PIK3C2A: variants seen among roughly 807,000 people sequenced by gnomAD.
The protein encoded by PIK3C2A is phosphatidylinositol 4-phosphate 3-kinase C2 domain-containing subunit alpha.
PIK3C2A carries 97 observed loss-of-function variants against 204.5 expected under a neutral mutation model. The ratio of observed to expected loss-of-function variants is 0.47; its 90% CI spans 0.40 to 0.56. PIK3C2A has a LOEUF of 0.56. Ranked by LOEUF, PIK3C2A falls within the 20% of genes least tolerant of loss-of-function variation. PIK3C2A has a pLI of 0.00. For missense variants in PIK3C2A, 1,735 were observed against 1,969.2 expected (o/e 0.88, Z 2.25); for synonymous variants, 653 against 664.4 (o/e 0.98, Z 0.26).
rs5789973 is a variant in PIK3C2A at position 17,104,724 on chromosome 11, C to CAAA, written c.3681+442_3681+444dup. On this transcript the variant is annotated intron_variant, in intron 23 of 32. Coordinates refer to ENST00000691414, the MANE Select transcript of PIK3C2A (RefSeq NM_002645.4). ...TGGGTGACAGAGTGAGACTCCATCT[C>CAAA]AAAAAAAAAAAAAAAAAAAAAATTT... Among the ~76,000 whole-genome samples, 292 of 87,214 alleles carry CAAA rather than the reference C, an allele frequency of 3.3e-3. 5 individuals carry two copies. Among genetic ancestry groups the CAAA allele is most frequent in the African/African-American group, 0.013 (265 of 21,120 alleles). 57.2% of individuals were successfully genotyped at this position (87,214 alleles called of 152,430 possible).
Position 17,102,741 on chromosome 11 carries a change from G to A in PIK3C2A, c.3772C>T (p.Leu1258Phe), listed in dbSNP as rs751271916. The A allele has an allele frequency of 5.0e-6, 8 of 1,613,596 alleles. No homozygotes were observed. The highest frequency in any genetic ancestry group is 6.8e-6 in the Non-Finnish European group (8 of 1,179,582). Residue 1258 changes from leucine to phenylalanine, a missense_variant, in exon 24 of 33, where the codon CTT becomes TTT. Leu to Phe is a conservative substitution (Grantham distance 22, BLOSUM62 0). This residue lies in a region of PIK3C2A where 503 missense variants were observed against 669.0 expected (regional missense o/e 0.75). Transcript: ENST00000691414. ...TGAAACATGTGTCCCGTGCTTCGAA[G>A]CATTATATTGTCATTGTGTCGATCA... ...ICDRHNDNIM[L>F]RSTGHMFHID...
At chr11:17,120,469 T>G (rs1005825927) in intron 15 of PIK3C2A, among the ~76,000 whole-genome samples, 2 of 151,972 alleles carry the variant, frequency 1.3e-5, no homozygotes, top group African/African-American at 4.8e-5. Context: ...GAATGAAATA[T>G]TTCACCATTT....
chr11:17,154,428 C>A (rs1195991942), intron 3 of PIK3C2A, among the ~76,000 whole-genome samples: 4 of 152,088 alleles, frequency 2.6e-5, no homozygotes, highest in Admixed American at 2.6e-4. Context: ...ATATTAAGTT[C>A]TTTAACATTA....
intron 19 of PIK3C2A, among the ~76,000 whole-genome samples, chr11:17,116,739 G>A (rs572947581): frequency 1.4e-4 from 22 of 152,076 alleles, no homozygotes; most frequent in Non-Finnish European, 1.9e-4. Context: ...GCAGGCGCCC[G>A]CCACCATGCC....
rs553927511 is a variant in PIK3C2A, at chr11:17,137,973, C to T, written c.1705-1348G>A. ...TTTTTATTACTCAAAAAAGCTTCAT[C>T]TTTTATTTAGCTTTCTGACTCCCTG... On this transcript the variant is annotated intron_variant, in intron 8 of 32. Coordinates refer to ENST00000691414, the MANE Select transcript of PIK3C2A (RefSeq NM_002645.4). 1.1e-3 allele frequency: 594 copies of T among 544,204 alleles called. 1 individual carries two copies. The highest frequency in any genetic ancestry group is 1.8e-3 in the Non-Finnish European group (529 of 296,186). The allele number at this position is 544,204 out of a possible 1,614,324, so 33.7% of individuals were successfully genotyped here.
At chr11:17,158,251 G>C (rs1475817314) in intron 2 of PIK3C2A, among the ~76,000 whole-genome samples, 1 of 151,868 alleles carries the variant, frequency 6.6e-6, no homozygotes, top group Non-Finnish European at 1.5e-5. Flanking sequence ...GGGAGGCTGA[G>C]GCAGGAGAAT....
rs1235451261 is a variant in PIK3C2A at position 17,166,110 on chromosome 11, A to C, written c.1065+2567T>G. ...TCATTTAATTAATTGCAATACCATT[A>C]TTACACCAAAATATTAACAGTAATT... On this transcript the variant is annotated intron_variant, in intron 2 of 32. Transcript: ENST00000691414. 1.3e-5 allele frequency among the ~76,000 whole-genome samples: 2 copies of C among 152,164 alleles called. 1 individual carries two copies. Among genetic ancestry groups the C allele is most frequent in the East Asian group, 3.9e-4 (2 of 5,186 alleles).
At chr11:17,200,103 T>C (rs1053801893) in intron 1 of PIK3C2A, among the ~76,000 whole-genome samples, 1 of 151,938 alleles carries the variant, frequency 6.6e-6, no homozygotes, top group Admixed American at 6.6e-5. Context: ...CGAGAATCGC[T>C]TGAACCCAGG....
Position 17,132,004 on chromosome 11 carries a change from G to T in PIK3C2A, c.2143C>A (p.His715Asn). The change falls in exon 12 of 33, where the codon CAC becomes AAC. Residue 715 changes from histidine (H) to asparagine (N), a missense_variant. Coordinates refer to ENST00000691414, the MANE Select transcript of PIK3C2A (RefSeq NM_002645.4). ...EKYYLICSLS[H>N]NGKDLFKPIQ... ...GGTTTAAAAAGATCCTTTCCATTGTGAGACAGTGAACATATCAAGTAGTAT... is the reference window on the plus strand; with the variant it reads ...GGTTTAAAAAGATCCTTTCCATTGTTAGACAGTGAACATATCAAGTAGTAT... 6.4e-7 allele frequency: 1 copy of T among 1,560,270 alleles called. No individual in the cohort carries two copies. Among genetic ancestry groups the T allele is most frequent in the Non-Finnish European group, 8.8e-7 (1 of 1,138,778 alleles).
In PIK3C2A at chr11:17,119,960, T is replaced by C. The variant is rs1211604457; in HGVS notation, c.2672A>G (p.Asp891Gly). ...ACGTTTCTCCCATAAAAAAGCTTTA[T>C]CTTCTTTAGAAAGTCTGCATATATA... The part of the protein sequence containing the change: ...KDSSLGLSKE[D>G]KAFLWEKRYY... Residue 891 changes from aspartate (D) to glycine (G), a missense_variant, in exon 16 of 33, where the codon GAT (aspartate) becomes GGT (glycine). Asp to Gly is a moderately conservative substitution (Grantham distance 94). This residue lies in a region of PIK3C2A where 567 missense variants were observed against 576.0 expected (regional missense o/e 0.98). Transcript: ENST00000691414. The C allele has an allele frequency of 6.4e-7, 1 of 1,555,432 alleles. No homozygotes were observed. The highest frequency in any genetic ancestry group is 8.8e-7 in the Non-Finnish European group (1 of 1,132,852).
intron 2 of PIK3C2A, 30 bp downstream of exon 2, chr11:17,168,647 G>T: frequency 7.5e-7 from 1 of 1,331,208 alleles, no homozygotes; most frequent in Non-Finnish European, 1.0e-6. Flanking sequence ...GTTATACTAA[G>T]TTTGAGAAGT....
intron 11 of PIK3C2A, 107 bp from the exon 12 acceptor site, chr11:17,132,145 A>C: frequency 1.5e-6 from 1 of 652,872 alleles, no homozygotes; most frequent in Non-Finnish European, 2.6e-6. Context: ...ATCTGAAATA[A>C]TCTGGTCACC....
chr11:17,109,407 A>T (rs1263818100), intron 22 of PIK3C2A, among the ~76,000 whole-genome samples: 1 of 152,254 alleles, frequency 6.6e-6, no homozygotes, highest in African/African-American at 2.4e-5. Context: ...TTTATTGAGC[A>T]CATAATACAT....
intron 1 of PIK3C2A, among the ~76,000 whole-genome samples, chr11:17,172,091 G>A (rs1309243387): frequency 1.3e-5 from 2 of 152,124 alleles, no homozygotes; most frequent in African/African-American, 4.8e-5. Flanking sequence ...ATAAAAGGCT[G>A]GATAGTAGGG....
chr11:17,131,018 C>A (rs1422730774), intron 12 of PIK3C2A, among the ~76,000 whole-genome samples: 1 of 151,534 alleles, frequency 6.6e-6, no homozygotes, highest in Non-Finnish European at 1.5e-5. Context: ...GAAACCCCAA[C>A]TCTACTAAAC....
At chr11:17,165,186 AT>A (rs1039032818) in intron 2 of PIK3C2A, among the ~76,000 whole-genome samples, 6 of 152,142 alleles carry the variant, frequency 3.9e-5, no homozygotes, top group Non-Finnish European at 8.8e-5. Context: ...TTGTCTTGTC[AT>A]TTTCCCAACT....
chr11:17,091,650 C>T lies in PIK3C2A; in HGVS notation c.4649G>A (p.Gly1550Asp), dbSNP rs1403091605. ...AEGIARSADA[G>D]SFSPTPGQIG... ...TTGGCCTGGAGTAGGACTGAAGGAA[C>T]CTGCATCTGAAAATACAAATATTTT... Residue 1550 changes from glycine (G) to aspartate (D), a missense_variant, in exon 31 of 33, where the codon GGT (glycine) becomes GAT (aspartate). Coordinates refer to ENST00000691414, the MANE Select transcript of PIK3C2A (RefSeq NM_002645.4). 5.7e-6 allele frequency: 9 copies of T among 1,574,650 alleles called. No individual in the cohort carries two copies. The highest frequency in any genetic ancestry group is 7.0e-6 in the Non-Finnish European group (8 of 1,150,416).
At position 17,091,546 on chromosome 11, in the gene PIK3C2A, C is replaced by T; in HGVS notation, c.4752+1G>A. On this transcript the variant is annotated splice_donor_variant, in intron 31 of 32. Coordinates refer to ENST00000691414, the MANE Select transcript of PIK3C2A (RefSeq NM_002645.4). LOFTEE classifies it high-confidence loss of function. Reference sequence around the variant, plus strand: ...AACCATCATTCTTTGTAATCACTCACAAGATCTTTGATATGCATCACCATG... The same window carrying T: ...AACCATCATTCTTTGTAATCACTCATAAGATCTTTGATATGCATCACCATG... The T allele has an allele frequency of 6.2e-7, 1 of 1,609,422 alleles. No homozygotes were observed. Among genetic ancestry groups the T allele is most frequent in the Non-Finnish European group, 8.5e-7 (1 of 1,176,246 alleles).
intron 2 of PIK3C2A, among the ~76,000 whole-genome samples, chr11:17,157,705 C>T (rs564669040): frequency 2.6e-5 from 4 of 152,136 alleles, no homozygotes; most frequent in East Asian, 1.9e-4. Context: ...GTTAATATGC[C>T]GGGAAAGATT....
Sources: gnomAD v4.1 joint callset for allele counts (sites outside exome capture counted in the v4.1 genomes callset) on GRCh38, gnomAD v4.1.1 for gene constraint, gnomAD v4.1.1 regional missense constraint, MANE v1.5 for transcripts, NCBI Gene and HGNC (gene_info 2026-07-23, HGNC 2026-07-21) for gene names.